Variants in CALN1 observed in about 807,000 individuals in gnomAD.
CALN1 encodes the protein calcium-binding protein 8.
In CALN1, 17 loss-of-function variants were observed where a neutral mutation model predicts 30.6. The ratio of observed to expected loss-of-function variants is 0.56; its 90% confidence interval spans 0.38 to 0.83. The LOEUF (loss-of-function observed/expected upper bound fraction) is 0.83. Ranked by LOEUF, CALN1 falls within the 40% of genes least tolerant of loss-of-function variation. The pLI is 0.00. For missense variants in CALN1, 291 were observed against 354.9 expected (o/e 0.82, Z 1.45); for synonymous variants, 156 against 131.4 (o/e 1.19, Z -1.28).
chr7:72,241,694 G>A (rs948436264), intron 3 of CALN1, among the ~76,000 whole-genome samples: 5 of 151,076 alleles, frequency 3.3e-5, no homozygotes, highest in African/African-American at 1.2e-4. Flanking sequence ...CAATAAGAGT[G>A]AAACTCCATC....
At chr7:72,145,336 T>C (rs371313947) in intron 3 of CALN1, among the ~76,000 whole-genome samples, 26 of 152,250 alleles carry the variant, frequency 1.7e-4, no homozygotes, top group South Asian at 1.0e-3. Context: ...GAGAATACTA[T>C]AAACACCTCT....
chr7:71,979,684 G>T (rs921457436), intron 5 of CALN1, among the ~76,000 whole-genome samples: 1 of 152,002 alleles, frequency 6.6e-6, no homozygotes, highest in Admixed American at 6.6e-5. Context: ...GGGGACCCCT[G>T]CTCTATGGGA....
chr7:71,845,774 TC>T, intron 5 of CALN1, among the ~76,000 whole-genome samples: 2 of 152,072 alleles, frequency 1.3e-5, no homozygotes, highest in Middle Eastern at 6.8e-3. Flanking sequence ...AACACTCTCA[TC>T]CGGGCACAGT....
chr7:72,374,016 G>A (rs187073806), intron 2 of CALN1, among the ~76,000 whole-genome samples: 12 of 152,274 alleles, frequency 7.9e-5, no homozygotes, highest in African/African-American at 2.9e-4. Context: ...ATATCCAGTG[G>A]AAATATCCTT....
chr7:71,820,671 T>A (rs182586681), intron 5 of CALN1, among the ~76,000 whole-genome samples: 3 of 152,198 alleles, frequency 2.0e-5, no homozygotes, highest in Admixed American at 2.0e-4. Context: ...ATACGGTAAT[T>A]CTATGTTTAA....
rs565993428 is a variant in CALN1, at chr7:71,910,296, G to A, written c.502-99804C>T. Among the ~76,000 whole-genome samples the A allele has an allele frequency of 3.9e-5, 6 of 152,264 alleles. No individual in the cohort carries two copies. The East Asian group carries it at 1.2e-3, about 29-fold the overall frequency. Reference sequence around the variant, plus strand: ...GAGAACCACACAGCAGCTCTTAAAGGCTTCCATCCCCAAACCAACCCACAT... The same window carrying A: ...GAGAACCACACAGCAGCTCTTAAAGACTTCCATCCCCAAACCAACCCACAT... On this transcript the variant is annotated intron_variant, in intron 5 of 6. Coordinates refer to ENST00000395275, the MANE Select transcript of CALN1 (RefSeq NM_031468.4).
At chr7:72,371,526 C>T (rs1804241827) in intron 2 of CALN1, among the ~76,000 whole-genome samples, 2 of 152,248 alleles carry the variant, frequency 1.3e-5, no homozygotes, top group Middle Eastern at 3.4e-3. Context: ...TGAAGAAGGA[C>T]GTGTTTGCTT....
At chr7:72,047,967 C>T (rs184892223) in intron 4 of CALN1, among the ~76,000 whole-genome samples, 1 of 151,914 alleles carries the variant, frequency 6.6e-6, no homozygotes, top group East Asian at 1.9e-4. Flanking sequence ...GTAAGAGATG[C>T]TCATAAGCAT....
intron 2 of CALN1, among the ~76,000 whole-genome samples, chr7:72,319,916 G>A (rs1800753937): frequency 1.3e-5 from 2 of 152,178 alleles, no homozygotes; most frequent in Admixed American, 6.5e-5. Flanking sequence ...ACACTATTCG[G>A]GCGATGGTTA....
chr7:72,082,982 C>T (rs1805246963), intron 4 of CALN1, among the ~76,000 whole-genome samples: 1 of 151,466 alleles, frequency 6.6e-6, no homozygotes. Context: ...AGGGCAGTCA[C>T]CTGAGGTCAG....
At chr7:72,210,798 C>T (rs373287146) in intron 3 of CALN1, among the ~76,000 whole-genome samples, 5 of 152,070 alleles carry the variant, frequency 3.3e-5, no homozygotes, top group African/African-American at 1.2e-4. Context: ...AGGGACAGAG[C>T]CAAACCATAT....
intron 3 of CALN1, among the ~76,000 whole-genome samples, chr7:72,136,847 A>G (rs1809546247): frequency 6.6e-6 from 1 of 152,230 alleles, no homozygotes; most frequent in Non-Finnish European, 1.5e-5. Flanking sequence ...TTGGTGGAGC[A>G]GTCAGAACAC....
At position 72,357,180 on chromosome 7, in the gene CALN1, C is replaced by A. The variant is rs931921624; in HGVS notation, c.119+46071G>T. Among the ~76,000 whole-genome samples the A allele has an allele frequency of 5.1e-4, 77 of 151,942 alleles. 1 individual carries two copies. Among genetic ancestry groups the A allele is most frequent in the African/African-American group, 1.8e-3 (74 of 41,206 alleles). On this transcript the variant is annotated intron_variant, in intron 2 of 6. Transcript: ENST00000395275. Reference sequence around the variant, plus strand: ...CTTGCCAGATAGAATACAACTTGAACCAAAATGAAATATGATGCTGGAGTT... The same window carrying A: ...CTTGCCAGATAGAATACAACTTGAAACAAAATGAAATATGATGCTGGAGTT...
chr7:72,200,345 C>G (rs1418368507), intron 3 of CALN1, among the ~76,000 whole-genome samples: 2 of 152,156 alleles, frequency 1.3e-5, no homozygotes, highest in Non-Finnish European at 1.5e-5. Flanking sequence ...TCTCTGTGAA[C>G]TAGAAATGTT....
chr7:72,144,320 G>A (rs1810189388), intron 3 of CALN1, among the ~76,000 whole-genome samples: 1 of 152,120 alleles, frequency 6.6e-6, no homozygotes, highest in Non-Finnish European at 1.5e-5. Context: ...GGCAGGGGTT[G>A]CAATCCTAGT....
At chr7:71,837,929 G>C (rs926984515) in intron 5 of CALN1, among the ~76,000 whole-genome samples, 2 of 152,224 alleles carry the variant, frequency 1.3e-5, no homozygotes, top group African/African-American at 2.4e-5. Flanking sequence ...GGGATGAAAA[G>C]GAGGGGGGTG....
chr7:72,376,151 C>T (rs2944790), intron 2 of CALN1, among the ~76,000 whole-genome samples: 49,565 of 152,096 alleles, frequency 0.33, 9,802 homozygotes, highest in Middle Eastern at 0.5. Context: ...AGTTGATGGA[C>T]ATTTGGGTTG....
chr7:72,210,164 A>G (rs1447099663), intron 3 of CALN1, among the ~76,000 whole-genome samples: 1 of 151,784 alleles, frequency 6.6e-6, no homozygotes, highest in Non-Finnish European at 1.5e-5. Context: ...CCTTCCAGCC[A>G]TCCACCTCCT....
intron 5 of CALN1, among the ~76,000 whole-genome samples, chr7:72,005,974 T>A (rs748653927): frequency 1.6e-4 from 25 of 152,336 alleles, no homozygotes; most frequent in Non-Finnish European, 2.9e-4. Context: ...CTCCGAAGAC[T>A]ATTAGCAGTT....
Sources: allele counts gnomAD v4.1 joint callset (sites outside exome capture counted in the v4.1 genomes callset), GRCh38; gene constraint gnomAD v4.1.1; transcripts MANE v1.5; gene names NCBI Gene and HGNC (gene_info 2026-07-23, HGNC 2026-07-21).